FAM174B: variants seen among roughly 807,000 people sequenced by gnomAD.
FAM174B encodes the protein membrane protein FAM174B.
In FAM174B, 12 loss-of-function variants were observed where a neutral mutation model predicts 10.9. That is an observed-to-expected ratio of 1.10 (90% CI 0.71 to 1.79). The LOEUF is 1.79. Ranked by LOEUF, FAM174B falls within the 40% of genes most tolerant of loss-of-function variation. The pLI, the probability that FAM174B is intolerant of heterozygous loss-of-function variation, is 0.00. For synonymous variants in FAM174B, 132 were observed against 115.8 expected (o/e 1.14, Z -0.90); for missense variants, 266 against 233.3 (o/e 1.14, Z -0.91).
chr15:92,637,688 G>A (rs111552896), intron 1 of FAM174B, among the ~76,000 whole-genome samples: 6,078 of 152,242 alleles, frequency 0.04, 154 homozygotes, highest in African/African-American at 0.077. Flanking sequence ...TTTTTGCTTA[G>A]GGCTACCTGT....
chr15:92,624,229 G>A (rs2050738646), intron 2 of FAM174B, among the ~76,000 whole-genome samples: 1 of 152,224 alleles, frequency 6.6e-6, no homozygotes, highest in East Asian at 1.9e-4. Context: ...GGCTTCTGAT[G>A]CTGTTTCAGA....
At chr15:92,653,916 G>A (rs2050983719) in intron 1 of FAM174B, among the ~76,000 whole-genome samples, 1 of 152,242 alleles carries the variant, frequency 6.6e-6, no homozygotes, top group Non-Finnish European at 1.5e-5. Flanking sequence ...CCATGCCTAG[G>A]TAGTGGCCAC....
chr15:92,655,226 G>C (rs547102260), intron 1 of FAM174B, 90 bp downstream of exon 1: 1 of 1,436,934 alleles, frequency 7.0e-7, no homozygotes, highest in Non-Finnish European at 9.1e-7. Context: ...GGGCACCTGT[G>C]CGTGCAGGTG....
chr15:92,637,194 C>G (rs1265216440), intron 1 of FAM174B, among the ~76,000 whole-genome samples: 1 of 152,196 alleles, frequency 6.6e-6, no homozygotes, highest in Non-Finnish European at 1.5e-5. Context: ...GGGGAAGGCA[C>G]GACCAACCCG....
At chr15:92,637,050 T>C (rs550770173) in intron 1 of FAM174B, among the ~76,000 whole-genome samples, 1 of 152,326 alleles carries the variant, frequency 6.6e-6, no homozygotes, top group South Asian at 2.1e-4. Flanking sequence ...CTCTGTGCCC[T>C]GGGTGAAGCC....
chr15:92,629,175 C>A (rs574214173), intron 2 of FAM174B, among the ~76,000 whole-genome samples: 2 of 152,310 alleles, frequency 1.3e-5, no homozygotes, highest in African/African-American at 4.8e-5. Context: ...AAGATAGGGA[C>A]CAGCCTGCAT....
chr15:92,634,597 A>G (rs1441372965), intron 1 of FAM174B: 1 of 152,238 alleles, frequency 6.6e-6, no homozygotes. Flanking sequence ...GTGGCCCATG[A>G]TGCTTTAATG....
chr15:92,651,342 C>G (rs1462482898), intron 1 of FAM174B, among the ~76,000 whole-genome samples: 1 of 152,106 alleles, frequency 6.6e-6, no homozygotes, highest in Non-Finnish European at 1.5e-5. Context: ...AAGAATGCGG[C>G]CAGGAGCTGA....
rs1208477697 is a variant in FAM174B, at chr15:92,631,203, CAT to C, written c.345-860_345-859del. Among the ~76,000 whole-genome samples the C allele has an allele frequency of 2.7e-3, 22 of 8,218 alleles. 9 individuals carry two copies. Among genetic ancestry groups the C allele is most frequent in the Admixed American group, 5.5e-3 (2 of 362 alleles). 5.4% of individuals were successfully genotyped at this position (8,218 alleles called of 152,430 possible). ...ATTATATTATATATTATATATATTA[CAT>C]ATATTATATATTATATTATATATAA... On this transcript the variant is annotated intron_variant, in intron 1 of 2. Coordinates refer to ENST00000327355, the MANE Select transcript of FAM174B (RefSeq NM_207446.3).
At chr15:92,629,211 G>A (rs1596295851) in intron 2 of FAM174B, among the ~76,000 whole-genome samples, 1 of 152,172 alleles carries the variant, frequency 6.6e-6, no homozygotes, top group Non-Finnish European at 1.5e-5. Flanking sequence ...ACTACTAATT[G>A]GGACTTTGGC....
intron 1 of FAM174B, among the ~76,000 whole-genome samples, chr15:92,640,183 A>G (rs1303250909): frequency 6.6e-6 from 1 of 152,204 alleles, no homozygotes; most frequent in East Asian, 1.9e-4. Context: ...GTACTAGAAG[A>G]AAACATGGGA....
intron 2 of FAM174B, among the ~76,000 whole-genome samples, chr15:92,629,874 G>A (rs1206046979): frequency 6.6e-6 from 1 of 152,088 alleles, no homozygotes; most frequent in African/African-American, 2.4e-5. Flanking sequence ...GTTTTCTAAG[G>A]GGGAGTTCCC....
intron 1 of FAM174B, among the ~76,000 whole-genome samples, chr15:92,643,157 T>A (rs201665221): frequency 6.6e-6 from 1 of 151,174 alleles, no homozygotes; most frequent in Admixed American, 6.6e-5. Context: ...TTAAGAGAGG[T>A]GGGGTCTGGC....
chr15:92,621,764 T>C (rs1409059334), intron 2 of FAM174B, among the ~76,000 whole-genome samples: 3 of 152,078 alleles, frequency 2.0e-5, no homozygotes, highest in African/African-American at 7.2e-5. Context: ...TTCTGTGGGT[T>C]GGGGAGTCGG....
intron 1 of FAM174B, among the ~76,000 whole-genome samples, chr15:92,647,206 C>T (rs2050934137): frequency 6.6e-6 from 1 of 152,098 alleles, no homozygotes; most frequent in African/African-American, 2.4e-5. Context: ...TTTCACAAAC[C>T]CTACCCTCAG....
At chr15:92,652,356 C>T (rs1242147725) in intron 1 of FAM174B, among the ~76,000 whole-genome samples, 8 of 152,158 alleles carry the variant, frequency 5.3e-5, no homozygotes, top group Non-Finnish European at 1.2e-4. Context: ...GTCTTAGTGA[C>T]AGAGGGGACT....
At chr15:92,646,655 A>T (rs894275931) in intron 1 of FAM174B, among the ~76,000 whole-genome samples, 1 of 152,240 alleles carries the variant, frequency 6.6e-6, no homozygotes, top group East Asian at 1.9e-4. Context: ...GTCTGACAAG[A>T]AACATTTACA....
At chr15:92,621,670 TAGAGAA>T (rs1217752090) in intron 2 of FAM174B, among the ~76,000 whole-genome samples, 2 of 151,142 alleles carry the variant, frequency 1.3e-5, no homozygotes, top group East Asian at 1.9e-4. Flanking sequence ...CTCAACAGAC[TAGAGAA>T]AGAGAAAAAG....
chr15:92,637,728 G>A (rs1383194788), intron 1 of FAM174B, among the ~76,000 whole-genome samples: 2 of 152,120 alleles, frequency 1.3e-5, no homozygotes, highest in African/African-American at 2.4e-5. Context: ...ACAAACAACC[G>A]GCAACTGCAC....
Sources: allele counts gnomAD v4.1 joint callset (sites outside exome capture counted in the v4.1 genomes callset), GRCh38; gene constraint gnomAD v4.1.1; transcripts MANE v1.5; gene names NCBI Gene and HGNC (gene_info 2026-07-23, HGNC 2026-07-21).